PTPRD: variants seen among roughly 807,000 people sequenced by gnomAD.
PTPRD encodes receptor-type tyrosine-protein phosphatase delta.
A neutral mutation model predicts 214.5 loss-of-function variants in PTPRD; 34 were observed. That is an observed-to-expected ratio of 0.16 (90% CI 0.12 to 0.21). The LOEUF (loss-of-function observed/expected upper bound fraction) is 0.21. PTPRD is among the 10% of genes least tolerant of loss of function. The probability of loss-of-function intolerance (pLI) is 1.00; values close to 1 mark genes in which losing one functional copy is unlikely to be tolerated. For synonymous variants in PTPRD, 1,128 were observed against 845.7 expected, an observed-to-expected ratio of 1.33 and a Z score of -5.79; for missense variants, 2,545 against 2,398.7, an observed-to-expected ratio of 1.06 and a Z score of -1.27.
chr9:9,974,755 T>C (rs1436550522), intron 4 of PTPRD, among the ~76,000 whole-genome samples: 1 of 152,206 alleles, frequency 6.6e-6, no homozygotes, highest in Non-Finnish European at 1.5e-5. Flanking sequence ...GACTGGGTCT[T>C]ACACCTTTAA....
At chr9:9,821,000 T>G (rs2153572654) in intron 5 of PTPRD, among the ~76,000 whole-genome samples, 1 of 152,264 alleles carries the variant, frequency 6.6e-6, no homozygotes, top group South Asian at 2.1e-4. Flanking sequence ...GTTTTCTTTT[T>G]TCTAGTTCCA....
At chr9:9,970,613 A>C (rs935820515) in intron 4 of PTPRD, among the ~76,000 whole-genome samples, 11 of 152,222 alleles carry the variant, frequency 7.2e-5, no homozygotes, top group African/African-American at 2.6e-4. Context: ...TCTTAGCAAA[A>C]GATTTGTATG....
At chr9:9,478,659 G>A (rs1001268260) in intron 8 of PTPRD, among the ~76,000 whole-genome samples, 4 of 152,112 alleles carry the variant, frequency 2.6e-5, no homozygotes, top group African/African-American at 9.7e-5. Context: ...AAGTGTTAAT[G>A]CCAACAAAGG....
chr9:8,375,013 A>G (rs528031089), intron 39 of PTPRD, among the ~76,000 whole-genome samples: 1 of 152,046 alleles, frequency 6.6e-6, no homozygotes, highest in East Asian at 1.9e-4. Flanking sequence ...GTGATTTACG[A>G]TAGATGCTTT....
At chr9:8,644,060 C>T (rs971633951) in intron 12 of PTPRD, among the ~76,000 whole-genome samples, 6 of 152,162 alleles carry the variant, frequency 3.9e-5, no homozygotes, top group Admixed American at 1.3e-4. Context: ...CATAAAAGTT[C>T]CAGGCTCAGC....
intron 12 of PTPRD, among the ~76,000 whole-genome samples, chr9:8,674,118 G>GAC (rs201255472): frequency 1.4e-4 from 21 of 151,906 alleles, no homozygotes; most frequent in African/African-American, 3.9e-4. Flanking sequence ...AAATCACATA[G>GAC]ACACACACAC....
At chr9:9,704,497 A>G (rs2097561850) in intron 7 of PTPRD, among the ~76,000 whole-genome samples, 3 of 152,162 alleles carry the variant, frequency 2.0e-5, no homozygotes, top group Admixed American at 2.0e-4. Flanking sequence ...AAGTTCTTTG[A>G]TAACTCCCCA....
chr9:9,962,708 A>G (rs1314035321), intron 4 of PTPRD, among the ~76,000 whole-genome samples: 1 of 152,078 alleles, frequency 6.6e-6, no homozygotes, highest in Non-Finnish European at 1.5e-5. Context: ...ATGTATCTAC[A>G]TCTTATCACC....
intron 9 of PTPRD, among the ~76,000 whole-genome samples, chr9:9,275,101 T>A (rs1324961095): frequency 3.3e-5 from 2 of 60,776 alleles, no homozygotes; most frequent in Non-Finnish European, 6.2e-5. Flanking sequence ...GTTATATATA[T>A]AATATATTAT....
At chr9:10,598,183 G>A (rs943557991) in intron 2 of PTPRD, among the ~76,000 whole-genome samples, 2 of 151,646 alleles carry the variant, frequency 1.3e-5, no homozygotes, top group African/African-American at 4.8e-5. Flanking sequence ...TATCAGTGTT[G>A]TTTTTGTTAT....
intron 14 of PTPRD, among the ~76,000 whole-genome samples, chr9:8,558,701 G>A (rs541572153): frequency 6.6e-6 from 1 of 152,320 alleles, no homozygotes; most frequent in Non-Finnish European, 1.5e-5. Context: ...TTTTAGGTCA[G>A]TTGTCATCAC....
chr9:10,403,231 T>A (rs1314898115), intron 2 of PTPRD, among the ~76,000 whole-genome samples: 1 of 116,668 alleles, frequency 8.6e-6, no homozygotes, highest in Admixed American at 9.1e-5. Context: ...TGTGTAAATA[T>A]ATATATATAT....
At chr9:10,594,300 T>C (rs974494701) in intron 2 of PTPRD, among the ~76,000 whole-genome samples, 1 of 152,012 alleles carries the variant, frequency 6.6e-6, no homozygotes, top group Non-Finnish European at 1.5e-5. Flanking sequence ...AACTGAACTG[T>C]ATAATGTTTT....
intron 41 of PTPRD, 128 bp from the exon 42 acceptor site, chr9:8,340,597 T>G: frequency 1.1e-6 from 1 of 915,120 alleles, no homozygotes; most frequent in Non-Finnish European, 1.5e-6. Flanking sequence ...TTGAGGTAAA[T>G]TCCTGCTAAG....
intron 3 of PTPRD, among the ~76,000 whole-genome samples, chr9:10,056,258 T>G (rs985060950): frequency 2.6e-5 from 4 of 151,684 alleles, no homozygotes; most frequent in African/African-American, 7.3e-5. Context: ...GAGGCGGAGA[T>G]TGCAGTGAGC....
chr9:10,547,308 G>C (rs770778693), intron 2 of PTPRD, among the ~76,000 whole-genome samples: 1 of 151,856 alleles, frequency 6.6e-6, no homozygotes, highest in Non-Finnish European at 1.5e-5. Flanking sequence ...TTCTTACCAA[G>C]GGTTTTTTTT....
chr9:8,761,592 A>C (rs2094418846), intron 11 of PTPRD, among the ~76,000 whole-genome samples: 1 of 152,220 alleles, frequency 6.6e-6, no homozygotes, highest in Non-Finnish European at 1.5e-5. Context: ...AAGAACTAAA[A>C]TACATCAAAT....
chr9:9,046,581 G>A (rs324536), intron 10 of PTPRD, among the ~76,000 whole-genome samples: 44,602 of 151,912 alleles, frequency 0.29, 6,749 homozygotes, highest in African/African-American at 0.32. Context: ...TTTTAGGGAG[G>A]AATGAAAACC....
chr9:8,570,685 C>T (rs139931019), intron 14 of PTPRD, among the ~76,000 whole-genome samples: 62 of 152,104 alleles, frequency 4.1e-4, no homozygotes, highest in African/African-American at 1.4e-3. Flanking sequence ...CCTTTTAGCT[C>T]AATGTTGTGA....
Sources: gnomAD v4.1 joint callset for allele counts (sites outside exome capture counted in the v4.1 genomes callset) on GRCh38, gnomAD v4.1.1 for gene constraint, MANE v1.5 for transcripts, NCBI Gene and HGNC (gene_info 2026-07-23, HGNC 2026-07-21) for gene names.